The following MCC variants were observed in gnomAD, a reference collection of about 807,000 sequenced individuals.
The protein encoded by MCC is colorectal mutant cancer protein.
MCC carries 90 observed loss-of-function variants against 116.2 expected under a neutral mutation model. That is an observed-to-expected ratio of 0.77 (90% CI 0.65 to 0.92). MCC has a LOEUF of 0.92. Ranked by LOEUF, MCC falls within the 40% of genes least tolerant of loss-of-function variation. MCC has a pLI of 0.00. For missense variants in MCC, 1,516 were observed against 1,312.2 expected, an observed-to-expected ratio of 1.16 and a Z score of -2.40; for synonymous variants, 578 against 510.5, an observed-to-expected ratio of 1.13 and a Z score of -1.78.
At chr5:113,154,083 T>C (rs1760036420) in intron 3 of MCC, among the ~76,000 whole-genome samples, 1 of 152,264 alleles carries the variant, frequency 6.6e-6, no homozygotes, top group African/African-American at 2.4e-5. Flanking sequence ...TCTCATGTTT[T>C]AGTGATGGGC....
intron 3 of MCC, among the ~76,000 whole-genome samples, chr5:113,251,046 A>T (rs989713309): frequency 6.6e-6 from 1 of 152,234 alleles, no homozygotes; most frequent in African/African-American, 2.4e-5. Flanking sequence ...TTAAGGTCCT[A>T]TTTTAACAAT....
intron 5 of MCC, among the ~76,000 whole-genome samples, chr5:113,142,937 C>T (rs1371128766): frequency 6.6e-6 from 1 of 152,156 alleles, no homozygotes; most frequent in African/African-American, 2.4e-5. Flanking sequence ...ATACCCTTAT[C>T]AACAAACTGA....
chr5:113,036,012 CTTTTTTTTTTTTTTTTTTTTTTT>C (rs771378295), intron 17 of MCC, among the ~76,000 whole-genome samples: 15 of 62,944 alleles, frequency 2.4e-4, no homozygotes, highest in Admixed American at 1.7e-3. Flanking sequence ...GGATGAGGAA[CTTTTTTTTTTTTTTTTTTTTTTT>C]TTTTTTTTTT....
At chr5:113,107,479 C>T (rs958786873) in intron 6 of MCC, among the ~76,000 whole-genome samples, 11 of 152,042 alleles carry the variant, frequency 7.2e-5, no homozygotes, top group Admixed American at 6.6e-5. Context: ...TTGTGGACCT[C>T]GACCTGAGCT....
At chr5:113,081,427 A>C (rs576969525) in intron 11 of MCC, among the ~76,000 whole-genome samples, 1 of 152,166 alleles carries the variant, frequency 6.6e-6, no homozygotes, top group Non-Finnish European at 1.5e-5. Flanking sequence ...GTTAAACACC[A>C]TAATAACATC....
intron 14 of MCC, among the ~76,000 whole-genome samples, chr5:113,055,797 T>A (rs946378700): frequency 6.6e-6 from 1 of 152,172 alleles, no homozygotes; most frequent in Non-Finnish European, 1.5e-5. Context: ...TACATGTGAT[T>A]ACCATTAAAA....
At chr5:113,125,690 TA>T (rs1189347871) in intron 5 of MCC, among the ~76,000 whole-genome samples, 2 of 152,104 alleles carry the variant, frequency 1.3e-5, no homozygotes, top group Admixed American at 6.5e-5. Flanking sequence ...ATGGAGTAAG[TA>T]AAAAACACCA....
Position 113,039,083 on chromosome 5 carries a change from C to T in MCC, c.2756+4447G>A, listed in dbSNP as rs575483454. 5.7e-4 allele frequency among the ~76,000 whole-genome samples: 87 copies of T among 152,252 alleles called. No homozygotes were observed. The South Asian group carries it at 6.9e-3, about 12-fold the overall frequency. On this transcript the variant is annotated intron_variant, in intron 17 of 18. Coordinates refer to ENST00000408903, the MANE Select transcript of MCC (RefSeq NM_001085377.2). ...CCCTGCTCCTGGGTAGAGTGAAAGG[C>T]GAGTGCCTGTGAGGCAGCACCATGC...
intron 3 of MCC, among the ~76,000 whole-genome samples, chr5:113,221,480 C>T (rs936337957): frequency 6.6e-6 from 1 of 152,196 alleles, no homozygotes; most frequent in African/African-American, 2.4e-5. Flanking sequence ...GACTGGACTG[C>T]CTTTGCAGGA....
intron 3 of MCC, among the ~76,000 whole-genome samples, chr5:113,211,413 G>C (rs1236591264): frequency 6.6e-6 from 1 of 152,200 alleles, no homozygotes; most frequent in African/African-American, 2.4e-5. Flanking sequence ...TGTAGCATTG[G>C]ACACTTCATC....
intron 2 of MCC, among the ~76,000 whole-genome samples, chr5:113,367,383 T>G (rs989984355): frequency 1.3e-5 from 2 of 151,952 alleles, no homozygotes; most frequent in African/African-American, 2.4e-5. Flanking sequence ...TAATTTAAGA[T>G]GTACATATAT....
At chr5:113,367,576 TC>T (rs1768727715) in intron 2 of MCC, among the ~76,000 whole-genome samples, 1 of 128,684 alleles carries the variant, frequency 7.8e-6, no homozygotes, top group South Asian at 2.4e-4. Context: ...AAAAGAATTT[TC>T]CCAGACAAGC....
At chr5:113,384,554 C>T (rs868198978) in intron 2 of MCC, among the ~76,000 whole-genome samples, 10 of 152,286 alleles carry the variant, frequency 6.6e-5, no homozygotes, top group Admixed American at 4.6e-4. Flanking sequence ...CGCCACTGCA[C>T]GCCAGCCTGG....
At chr5:113,194,131 G>A (rs1395712416) in intron 3 of MCC, among the ~76,000 whole-genome samples, 4 of 152,102 alleles carry the variant, frequency 2.6e-5, no homozygotes, top group Non-Finnish European at 4.4e-5. Flanking sequence ...AAACATCATC[G>A]TCTAGTCCTG....
chr5:113,316,692 T>C (rs920576239), intron 3 of MCC, among the ~76,000 whole-genome samples: 10 of 152,164 alleles, frequency 6.6e-5, no homozygotes, highest in Non-Finnish European at 1.2e-4. Context: ...CGTAATTCTA[T>C]TACACCTGAT....
At chr5:113,231,642 A>C (rs974207853) in intron 3 of MCC, among the ~76,000 whole-genome samples, 5 of 152,198 alleles carry the variant, frequency 3.3e-5, no homozygotes, top group Admixed American at 6.5e-5. Context: ...ATTTCCTCCT[A>C]GGAAGAAAAT....
At chr5:113,244,747 G>A (rs936542525) in intron 3 of MCC, among the ~76,000 whole-genome samples, 4 of 152,172 alleles carry the variant, frequency 2.6e-5, no homozygotes, top group African/African-American at 9.7e-5. Flanking sequence ...CTAAACAATA[G>A]GAAGAGGTGC....
intron 8 of MCC, among the ~76,000 whole-genome samples, chr5:113,088,949 A>T (rs529582688): frequency 6.6e-6 from 1 of 152,216 alleles, no homozygotes; most frequent in South Asian, 2.1e-4. Context: ...GCACACGGCT[A>T]TTTTTATTGA....
intron 3 of MCC, among the ~76,000 whole-genome samples, chr5:113,256,269 C>G (rs1209737940): frequency 1.3e-5 from 2 of 152,154 alleles, no homozygotes; most frequent in South Asian, 4.1e-4. Context: ...TATCCTCATC[C>G]CAGCACTGCT....
Sources: gnomAD v4.1 joint callset for allele counts (sites outside exome capture counted in the v4.1 genomes callset) on GRCh38, gnomAD v4.1.1 for gene constraint, MANE v1.5 for transcripts, NCBI Gene and HGNC (gene_info 2026-07-23, HGNC 2026-07-21) for gene names.